Variants in UNC5B observed in about 807,000 individuals in gnomAD.
The protein encoded by UNC5B is netrin receptor UNC5B.
UNC5B carries 56 observed loss-of-function variants against 103.7 expected under a neutral mutation model. That is an observed-to-expected ratio of 0.54 (90% CI 0.44 to 0.67). The LOEUF is 0.67. Ranked by LOEUF, UNC5B falls within the 30% of genes least tolerant of loss-of-function variation. The probability of loss-of-function intolerance (pLI) is 0.00; values close to 1 mark genes in which losing one functional copy is unlikely to be tolerated. For synonymous variants in UNC5B, 577 were observed against 542.0 expected, an observed-to-expected ratio of 1.06 and a Z score of -0.90; for missense variants, 1,194 against 1,284.5, an observed-to-expected ratio of 0.93 and a Z score of 1.08.
chr10:71,272,001 C>T (rs978209850), intron 1 of UNC5B, among the ~76,000 whole-genome samples: 4 of 152,128 alleles, frequency 2.6e-5, no homozygotes, highest in South Asian at 2.1e-4. Flanking sequence ...ACCCCACAGC[C>T]GCAAGGAGCC....
At chr10:71,244,446 A>G (rs908439323) in intron 1 of UNC5B, among the ~76,000 whole-genome samples, 3 of 152,188 alleles carry the variant, frequency 2.0e-5, no homozygotes, top group African/African-American at 7.2e-5. Flanking sequence ...TACAGTAAAT[A>G]TCAGTTGGGT....
chr10:71,278,416 T>G (rs1212307148), intron 1 of UNC5B, among the ~76,000 whole-genome samples: 1 of 151,520 alleles, frequency 6.6e-6, no homozygotes, highest in Non-Finnish European at 1.5e-5. Flanking sequence ...ACATGCTGGA[T>G]GGAGCTGGAG....
At position 71,288,610 on chromosome 10, in the gene UNC5B, G is replaced by T. The variant is rs747217896; in HGVS notation, c.944G>T (p.Ser315Ile). 3.1e-6 allele frequency: 5 copies of T among 1,613,970 alleles called. No homozygotes were observed. The highest frequency in any genetic ancestry group is 2.2e-5 in the East Asian group (1 of 44,898). Residue 315 changes from serine (S) to isoleucine (I), a missense_variant, in exon 7 of 17, where the codon AGC becomes ATC. Physicochemically the swap from Ser to Ile is moderately radical, Grantham distance 142. Coordinates refer to ENST00000335350, the MANE Select transcript of UNC5B (RefSeq NM_170744.5). ...GAGTGGAGCAAGTGGTCAGCCTGCA[G>T]CACTGAGTGTGCCCACTGGCGTAGC... The part of the protein sequence containing the change: ...WTEWSKWSAC[S>I]TECAHWRSRE...
chr10:71,302,501 C>G lies in UNC5B; in HGVS notation c.*3224C>G, dbSNP rs1845603692. 1.3e-5 allele frequency: 2 copies of G among 152,296 alleles called. No homozygotes were observed. The highest frequency in any genetic ancestry group is 1.3e-4 in the Admixed American group (2 of 15,286). 9.4% of individuals were successfully genotyped at this position (152,296 alleles called of 1,614,324 possible). On this transcript the variant is annotated 3_prime_UTR_variant, in exon 17 of 17. Transcript: ENST00000335350. ...CTCCCTCTGCCTTCTCTCACAGTGC[C>G]CCCGGCTCCAGAGCTCAGGGGTAGG... is the stretch of plus-strand genomic sequence containing the variant.
In UNC5B at chr10:71,284,881, C is replaced by T; in HGVS notation, c.448+18C>T. 1 of 1,572,984 alleles carries T rather than the reference C, an allele frequency of 6.4e-7. No homozygotes were observed. Among genetic ancestry groups the T allele is most frequent in the South Asian group, 1.2e-5 (1 of 84,586 alleles). On this transcript the variant is annotated intron_variant, in intron 3 of 16. Coordinates refer to ENST00000335350, the MANE Select transcript of UNC5B (RefSeq NM_170744.5). ...CATCGCCTGTACGCCACCCTGACCC[C>T]CACCCTGTCCCTGCAGGAACCTTCC...
rs1380946851 is a variant in UNC5B, at chr10:71,227,641, C to CATACATAT, written c.79+14580_79+14581insCATATATA. On this transcript the variant is annotated intron_variant, in intron 1 of 16. Transcript: ENST00000335350. Reference sequence around the variant, plus strand: ...ATATACATATATACATATATATACACATATACATATATATACATATATATA... The same window carrying CATACATAT: ...ATATACATATATACATATATATACACATACATATATATACATATATATACATATATATA... Among the ~76,000 whole-genome samples the CATACATAT allele has an allele frequency of 5.7e-3, 779 of 135,592 alleles. 17 individuals carry two copies. The highest frequency in any genetic ancestry group is 0.023 in the African/African-American group (689 of 29,894). The allele number at this position is 135,592 out of a possible 152,430, so 89.0% of individuals were successfully genotyped here. A position where few individuals can be genotyped will look rare whatever the true frequency, so the allele number is the denominator to read the frequency against.
At chr10:71,226,563 G>C (rs1173843216) in intron 1 of UNC5B, among the ~76,000 whole-genome samples, 1 of 152,238 alleles carries the variant, frequency 6.6e-6, no homozygotes. Flanking sequence ...CATGAAGCCT[G>C]CTTCCCAGAG....
At chr10:71,222,544 T>C (rs1366386687) in intron 1 of UNC5B, among the ~76,000 whole-genome samples, 1 of 151,930 alleles carries the variant, frequency 6.6e-6, no homozygotes, top group Non-Finnish European at 1.5e-5. Flanking sequence ...TTGGCTGACC[T>C]CTGGATAGGG....
chr10:71,223,313 G>A (rs76650673), intron 1 of UNC5B, among the ~76,000 whole-genome samples: 4,898 of 152,252 alleles, frequency 0.032, 251 homozygotes, highest in African/African-American at 0.11. Flanking sequence ...TTACTCACCC[G>A]AGAAGTAGCT....
intron 15 of UNC5B, among the ~76,000 whole-genome samples, 200 bp downstream of exon 15, chr10:71,296,942 G>A (rs1233609138): frequency 1.4e-5 from 2 of 139,462 alleles, no homozygotes; most frequent in African/African-American, 5.3e-5. Context: ...CGCTGGCGGA[G>A]GTGAGGGAAG....
At chr10:71,265,042 G>A (rs1032251892) in intron 1 of UNC5B, among the ~76,000 whole-genome samples, 1 of 151,370 alleles carries the variant, frequency 6.6e-6, no homozygotes, top group African/African-American at 2.4e-5. Context: ...TGACAACCCT[G>A]CTCTGTGACA....
At chr10:71,221,128 C>G (rs930165936) in intron 1 of UNC5B, among the ~76,000 whole-genome samples, 1 of 152,198 alleles carries the variant, frequency 6.6e-6, no homozygotes, top group Admixed American at 6.5e-5. Flanking sequence ...AATGCCCTTG[C>G]ACGCATTATG....
chr10:71,234,415 C>T (rs555880500), intron 1 of UNC5B, among the ~76,000 whole-genome samples: 4 of 152,366 alleles, frequency 2.6e-5, no homozygotes, highest in African/African-American at 9.6e-5. Context: ...AGTACCCCAT[C>T]GGAAAACCTG....
rs138249629 is a variant in UNC5B, at chr10:71,298,059, C to T, written c.2641C>T (p.Arg881Trp). Residue 881 changes from arginine to tryptophan, a missense_variant, in exon 16 of 17, where the codon CGG (arginine) becomes TGG (tryptophan). Physicochemically the swap from Arg to Trp is moderately radical, Grantham distance 101 (BLOSUM62 -3). Transcript: ENST00000335350. ...CCCCAACTCACGGGGCAATGACTGG[C>T]GGATGTTAGCACAGAAGCTCTCTAT... ...DAPNSRGNDW[R>W]MLAQKLSMDR... 6.2e-6 allele frequency: 10 copies of T among 1,612,366 alleles called. No homozygotes were observed. In the African/African-American group the frequency reaches 1.1e-4, roughly 17 times the overall value.
chr10:71,242,114 GT>G (rs1440359372), intron 1 of UNC5B, among the ~76,000 whole-genome samples: 3 of 152,208 alleles, frequency 2.0e-5, no homozygotes, highest in Non-Finnish European at 2.9e-5. Context: ...CTGGAGTGCA[GT>G]GGGGAGAGGA....
chr10:71,295,405 C>A (rs1845380603), intron 13 of UNC5B, among the ~76,000 whole-genome samples: 1 of 152,190 alleles, frequency 6.6e-6, no homozygotes, highest in African/African-American at 2.4e-5. Flanking sequence ...TGACCATATA[C>A]CCATTCAGTC....
intron 1 of UNC5B, among the ~76,000 whole-genome samples, chr10:71,259,520 C>T (rs760736671): frequency 6.6e-6 from 1 of 152,084 alleles, no homozygotes; most frequent in Non-Finnish European, 1.5e-5. Flanking sequence ...ACTAAGAAAC[C>T]GAGGCTCAGA....
chr10:71,297,094 G>GGGCCAGA (rs1845460932), intron 15 of UNC5B, among the ~76,000 whole-genome samples: 1 of 152,252 alleles, frequency 6.6e-6, no homozygotes, highest in Non-Finnish European at 1.5e-5. Context: ...GTGGAGGTGA[G>GGGCCAGA]GGCCAGAGGA....
chr10:71,241,027 A>G (rs1843886523), intron 1 of UNC5B, among the ~76,000 whole-genome samples: 1 of 152,196 alleles, frequency 6.6e-6, no homozygotes, highest in Non-Finnish European at 1.5e-5. Context: ...GTCCATCATC[A>G]TGGTAGCCTA....
Sources: gnomAD v4.1 joint callset for allele counts (sites outside exome capture counted in the v4.1 genomes callset) on GRCh38, gnomAD v4.1.1 for gene constraint, MANE v1.5 for transcripts, NCBI Gene and HGNC (gene_info 2026-07-23, HGNC 2026-07-21) for gene names.